Variants in LHCGR observed in about 807,000 individuals in gnomAD.
LHCGR encodes lutropin-choriogonadotropic hormone receptor.
A neutral mutation model predicts 60.7 loss-of-function variants in LHCGR; 55 were observed. That is an observed-to-expected ratio of 0.91 (90% CI 0.73 to 1.13). The LOEUF (loss-of-function observed/expected upper bound fraction) is 1.13. LHCGR is among the 50% of genes most tolerant of loss of function. The pLI is 0.00. For synonymous variants in LHCGR, 337 were observed against 316.5 expected (o/e 1.06, Z -0.69); for missense variants, 862 against 836.0 (o/e 1.03, Z -0.38).
At chr2:48,713,398 G>A (rs1668088330) in intron 7 of LHCGR, among the ~76,000 whole-genome samples, 2 of 152,120 alleles carry the variant, frequency 1.3e-5, no homozygotes, top group Admixed American at 1.3e-4. Context: ...TTTAGAAGAG[G>A]AGCCATAGAA....
intron 4 of LHCGR, among the ~76,000 whole-genome samples, chr2:48,724,216 T>C (rs940284248): frequency 2.0e-5 from 3 of 152,230 alleles, no homozygotes; most frequent in African/African-American, 4.8e-5. Context: ...TTGCATCTCA[T>C]TGAAATCACT....
intron 3 of LHCGR, among the ~76,000 whole-genome samples, chr2:48,726,391 G>C (rs1558867905): frequency 6.6e-6 from 1 of 152,170 alleles, no homozygotes; most frequent in Non-Finnish European, 1.5e-5. Context: ...TGCCTCACAG[G>C]TTAGTAGGTT....
intron 4 of LHCGR, 30 bp downstream of exon 4, chr2:48,725,646 C>T (rs769103891): frequency 2.6e-6 from 4 of 1,510,440 alleles, no homozygotes; most frequent in East Asian, 2.3e-5. Context: ...TCTTCCCCTC[C>T]CCAATTGCTT....
At chr2:48,710,812 A>C (rs887529877) in intron 7 of LHCGR, among the ~76,000 whole-genome samples, 9 of 152,312 alleles carry the variant, frequency 5.9e-5, no homozygotes, top group African/African-American at 2.2e-4. Flanking sequence ...TGTGTTCTGA[A>C]CAACTTTGGA....
At chr2:48,723,310 TCC>T in intron 6 of LHCGR, 144 bp downstream of exon 6, 1 of 711,420 alleles carries the variant, frequency 1.4e-6, no homozygotes, top group Non-Finnish European at 2.6e-6. Flanking sequence ...CTTACACAAC[TCC>T]CTTCACCCTT....
At position 48,687,675 on chromosome 2, in the gene LHCGR, A is replaced by C. The variant is rs192235905; in HGVS notation, c.*22T>G. The C allele has an allele frequency of 2.5e-4, 391 of 1,579,640 alleles. 1 individual carries two copies. The African/African-American group carries it at 4.8e-3, about 20-fold the overall frequency. ...TTTACAGGTTTAAGAACAATTCAAT[A>C]ATGCAGTTACTGATGTAACAGTTAA... On this transcript the variant is annotated 3_prime_UTR_variant, in exon 11 of 11. Coordinates refer to ENST00000294954, the MANE Select transcript of LHCGR (RefSeq NM_000233.4).
chr2:48,705,627 C>A (rs1009575768), intron 8 of LHCGR, among the ~76,000 whole-genome samples: 2 of 152,070 alleles, frequency 1.3e-5, no homozygotes, highest in Non-Finnish European at 2.9e-5. Flanking sequence ...TTGAATTGAT[C>A]CCTTTACCAT....
intron 10 of LHCGR, among the ~76,000 whole-genome samples, chr2:48,689,190 T>TATACTATAC (rs2104359770): frequency 1.3e-5 from 2 of 151,562 alleles, no homozygotes; most frequent in South Asian, 4.2e-4. Context: ...CACACATATA[T>TATACTATAC]ATACTATACA....
At chr2:48,707,312 C>T (rs1165592253) in intron 8 of LHCGR, among the ~76,000 whole-genome samples, 1 of 152,242 alleles carries the variant, frequency 6.6e-6, no homozygotes, top group Non-Finnish European at 1.5e-5. Context: ...CAGAGCTCTC[C>T]TGTGTGAGGT....
At chr2:48,711,115 C>T (rs181162413) in intron 7 of LHCGR, among the ~76,000 whole-genome samples, 2 of 152,146 alleles carry the variant, frequency 1.3e-5, no homozygotes, top group African/African-American at 2.4e-5. Context: ...CTTTCTGTAA[C>T]GTGCTTCCCT....
At chr2:48,712,090 C>A (rs1028895291) in intron 7 of LHCGR, among the ~76,000 whole-genome samples, 2 of 151,820 alleles carry the variant, frequency 1.3e-5, no homozygotes, top group Non-Finnish European at 2.9e-5. Context: ...AGGCATTTTT[C>A]CTCTCTTTTT....
chr2:48,730,743 AG>A (rs1396575715), intron 2 of LHCGR, among the ~76,000 whole-genome samples: 1 of 152,256 alleles, frequency 6.6e-6, no homozygotes, highest in Admixed American at 6.5e-5. Context: ...TGCATTATCC[AG>A]GTGCTTTACA....
chr2:48,725,209 C>T (rs1234041664), intron 4 of LHCGR, among the ~76,000 whole-genome samples: 1 of 152,054 alleles, frequency 6.6e-6, no homozygotes, highest in Admixed American at 6.6e-5. Context: ...ACAGTGTCTA[C>T]CTTAAGGCAA....
At chr2:48,692,138 A>G (rs1666879716) in intron 10 of LHCGR, among the ~76,000 whole-genome samples, 1 of 152,210 alleles carries the variant, frequency 6.6e-6, no homozygotes, top group Non-Finnish European at 1.5e-5. Context: ...AAAAATCTAT[A>G]GAGACACCGC....
At chr2:48,738,955 C>G (rs1669316988) in intron 1 of LHCGR, among the ~76,000 whole-genome samples, 1 of 152,214 alleles carries the variant, frequency 6.6e-6, no homozygotes, top group East Asian at 1.9e-4. Context: ...CAGCACCTCC[C>G]TAGGCAAATC....
At position 48,698,720 on chromosome 2, in the gene LHCGR, T is replaced by TA; in HGVS notation, c.760dup (p.Tyr254LeufsTer30). 1 of 1,614,092 alleles carries TA rather than the reference T, an allele frequency of 6.2e-7. No individual in the cohort carries two copies. Among genetic ancestry groups the TA allele is most frequent in the South Asian group, 1.1e-5 (1 of 91,078 alleles). On this transcript the variant is annotated frameshift_variant, in exon 9 of 11. Coordinates refer to ENST00000294954, the MANE Select transcript of LHCGR (RefSeq NM_000233.4). LOFTEE classifies it high-confidence loss of function. ...TCTTGATGGCAATTTTTTTAGAGAA[T>TA]AGGATGACGTGGCAATTAGCCTCTG...
chr2:48,731,786 AGAG>A (rs1669005016), intron 1 of LHCGR, among the ~76,000 whole-genome samples: 1 of 152,226 alleles, frequency 6.6e-6, no homozygotes, highest in East Asian at 1.9e-4. Context: ...TATGTTGAGT[AGAG>A]TGGAGACATT....
At chr2:48,707,748 T>C (rs1275082252) in intron 8 of LHCGR, among the ~76,000 whole-genome samples, 1 of 152,248 alleles carries the variant, frequency 6.6e-6, no homozygotes, top group Non-Finnish European at 1.5e-5. Context: ...CTCAGGTCTA[T>C]CTTAGACTGC....
At chr2:48,753,805 A>T (rs1172719520) in intron 1 of LHCGR, among the ~76,000 whole-genome samples, 2 of 149,812 alleles carry the variant, frequency 1.3e-5, no homozygotes, top group African/African-American at 4.9e-5. Context: ...GGAGAAACTG[A>T]GTGTGTGTGT....
Sources: allele counts gnomAD v4.1 joint callset (sites outside exome capture counted in the v4.1 genomes callset), GRCh38; gene constraint gnomAD v4.1.1; transcripts MANE v1.5; gene names NCBI Gene and HGNC (gene_info 2026-07-23, HGNC 2026-07-21).